Variants in DMD observed in about 807,000 individuals in gnomAD.
DMD encodes the protein mutant dystrophin.
In DMD, 63 loss-of-function variants were observed where a neutral mutation model predicts 330.1. That is an observed-to-expected ratio of 0.19 (90% CI 0.16 to 0.24). The LOEUF (loss-of-function observed/expected upper bound fraction) is 0.24. Among genes scored for constraint, DMD ranks in the 10% least tolerant of loss-of-function variants. DMD has a pLI of 1.00. For missense variants in DMD, 3,344 were observed against 2,684.1 expected (o/e 1.25, Z -5.43); for synonymous variants, 1,223 against 959.8 (o/e 1.27, Z -5.07).
chrX:32,391,425 TA>T (rs1333070725), intron 30 of DMD, among the ~76,000 whole-genome samples: 5 of 111,262 alleles, frequency 4.5e-5, no homozygotes, highest in Non-Finnish European at 9.4e-5. Flanking sequence ...GAACATGGAC[TA>T]AGTGGTTAAG....
intron 44 of DMD, among the ~76,000 whole-genome samples, chrX:32,111,178 T>C (rs1162570354): frequency 8.9e-6 from 1 of 112,062 alleles, no homozygotes; most frequent in African/African-American, 3.2e-5. Flanking sequence ...ATAACAGTCC[T>C]AGGATATGTG....
chrX:32,898,173 T>C (rs994966070), intron 2 of DMD, among the ~76,000 whole-genome samples: 8 of 111,787 alleles, frequency 7.2e-5, no homozygotes, highest in African/African-American at 2.6e-4. Flanking sequence ...CAAGAGTAAA[T>C]AAAAGCAAGA....
At chrX:31,182,987 T>C (rs2041328017) in intron 67 of DMD, 83 bp from the exon 68 acceptor site, 13 of 819,497 alleles carry the variant, frequency 1.6e-5, no homozygotes, top group Admixed American at 2.9e-5. Flanking sequence ...GTATATCAGT[T>C]CGATTAATAA....
At chrX:32,214,257 T>C (rs1164207076) in intron 44 of DMD, among the ~76,000 whole-genome samples, 2 of 103,936 alleles carry the variant, frequency 1.9e-5, no homozygotes, top group Non-Finnish European at 3.9e-5. Flanking sequence ...AGACAAAATA[T>C]ATGCTACAAC....
At chrX:31,778,958 C>G (rs2090853541) in intron 50 of DMD, among the ~76,000 whole-genome samples, 1 of 111,750 alleles carries the variant, frequency 8.9e-6, no homozygotes, top group East Asian at 2.8e-4. Context: ...GCGGTTCTTT[C>G]TTTTCCACCA....
intron 29 of DMD, among the ~76,000 whole-genome samples, chrX:32,431,116 T>C (rs750697248): frequency 1.8e-5 from 2 of 111,338 alleles, no homozygotes; most frequent in South Asian, 7.4e-4. Context: ...ATTCTATTTT[T>C]AATTTTTTTT....
At chrX:32,506,037 G>A (rs753714369) in intron 18 of DMD, among the ~76,000 whole-genome samples, 2 of 110,976 alleles carry the variant, frequency 1.8e-5, no homozygotes, top group Non-Finnish European at 3.8e-5. Context: ...TAGATGAACG[G>A]GAAAAGTATT....
In DMD at chrX:31,561,361, G is replaced by A. The variant is rs763577046; in HGVS notation, c.8218-53908C>T. 1.8e-4 allele frequency among the ~76,000 whole-genome samples: 20 copies of A among 110,990 alleles called. No individual in the cohort carries two copies. The East Asian group carries it at 4.0e-3, about 22-fold the overall frequency. On this transcript the variant is annotated intron_variant, in intron 55 of 78. Transcript: ENST00000357033. ...CTGAAACTGAAAAAGCAAAAAACGG[G>A]GTGGGAGGGTAGAAAGAACAGGAAG... is the stretch of plus-strand genomic sequence containing the variant.
chrX:32,187,834 C>T (rs1416928564), intron 44 of DMD, among the ~76,000 whole-genome samples: 6 of 110,453 alleles, frequency 5.4e-5, no homozygotes, highest in Non-Finnish European at 9.5e-5. Context: ...GATGGGAAAA[C>T]GGCATAAAAC....
At chrX:32,031,406 A>T (rs1376066551) in intron 44 of DMD, among the ~76,000 whole-genome samples, 1 of 111,184 alleles carries the variant, frequency 9.0e-6, no homozygotes, top group Non-Finnish European at 1.9e-5. Context: ...TCTGGGCCTG[A>T]GGTATATGCT....
intron 15 of DMD, 120 bp from the exon 16 acceptor site, chrX:32,566,001 C>T: frequency 4.8e-6 from 3 of 622,627 alleles, no homozygotes; most frequent in East Asian, 3.6e-5. Context: ...TTCAATCGTG[C>T]CCGCAAAGGA....
chrX:32,559,061 C>T lies in DMD; in HGVS notation c.1992+6641G>A, dbSNP rs1243041534. On this transcript the variant is annotated intron_variant, in intron 16 of 78. Coordinates refer to ENST00000357033, the MANE Select transcript of DMD (RefSeq NM_004006.3). ...CACCTCCCGGGTTCAAGCAATTCTC[C>T]TGCCTCAGCCTCCCAAGTAGCTGCA... 6.7e-5 allele frequency among the ~76,000 whole-genome samples: 7 copies of T among 105,235 alleles called. No homozygotes were observed. In the Admixed American group the frequency reaches 7.2e-4, roughly 11 times the overall value. 91.4% of individuals were successfully genotyped at this position (105,235 alleles called of 115,157 possible). A position where few individuals can be genotyped will look rare whatever the true frequency, so the allele number is the denominator to read the frequency against.
rs371585389 is a variant in DMD, at chrX:32,390,132, T to C, written c.4283A>G (p.Lys1428Arg). Residue 1428 changes from lysine to arginine, a missense_variant, in exon 31 of 79, where the codon AAG becomes AGG. Transcript: ENST00000357033. Reference sequence around the variant, plus strand: ...AGCCTCCTTCCCCTGATTATGTTTCTTCATTTCTTCTAAACTGATCTCATG... The same window carrying C: ...AGCCTCCTTCCCCTGATTATGTTTCCTCATTTCTTCTAAACTGATCTCATG... Reference protein sequence around the residue: ...TSHEISLEEMKKHNQGKEAAQ... With the variant: ...TSHEISLEEMRKHNQGKEAAQ... The C allele has an allele frequency of 2.6e-5, 31 of 1,208,996 alleles. No individual in the cohort carries two copies. Among genetic ancestry groups the C allele is most frequent in the Non-Finnish European group, 3.4e-5 (30 of 894,262 alleles).
chrX:32,335,783 TATAAC>T (rs1310015528), intron 41 of DMD, among the ~76,000 whole-genome samples: 34 of 99,925 alleles, frequency 3.4e-4, no homozygotes, highest in African/African-American at 3.2e-4. Context: ...GTTATATATG[TATAAC>T]ATGTTATATA....
intron 25 of DMD, among the ~76,000 whole-genome samples, chrX:32,460,787 C>T (rs766099242): frequency 2.7e-5 from 3 of 111,675 alleles, no homozygotes; most frequent in African/African-American, 9.7e-5. Context: ...AGTTTTCCTG[C>T]TCCTGTCACT....
chrX:32,585,656 C>T (rs1371076252), intron 13 of DMD, among the ~76,000 whole-genome samples: 2 of 83,511 alleles, frequency 2.4e-5, no homozygotes, highest in East Asian at 4.2e-4. Context: ...GCCGAGATCG[C>T]GCCACTGCAC....
At chrX:31,812,311 G>T (rs1464016962) in intron 50 of DMD, among the ~76,000 whole-genome samples, 3 of 105,270 alleles carry the variant, frequency 2.8e-5, no homozygotes, top group Admixed American at 1.1e-4. Flanking sequence ...GCAAACTATC[G>T]CAAGGACAAA....
At chrX:33,003,761 T>G (rs1336290208) in intron 2 of DMD, among the ~76,000 whole-genome samples, 2 of 112,359 alleles carry the variant, frequency 1.8e-5, no homozygotes, top group Non-Finnish European at 3.8e-5. Flanking sequence ...GCTCGTTTAA[T>G]ATATTATTAG....
chrX:32,769,857 T>A (rs1428171983), intron 7 of DMD, among the ~76,000 whole-genome samples: 1 of 111,130 alleles, frequency 9.0e-6, no homozygotes, highest in Non-Finnish European at 1.9e-5. Context: ...AATATGACAT[T>A]TTATCTTTGA....
Sources: gnomAD v4.1 joint callset for allele counts (sites outside exome capture counted in the v4.1 genomes callset) on GRCh38, gnomAD v4.1.1 for gene constraint, MANE v1.5 for transcripts, NCBI Gene and HGNC (gene_info 2026-07-23, HGNC 2026-07-21) for gene names.